The following PARD3 variants were observed in gnomAD, a reference collection of about 807,000 sequenced individuals.
PARD3 encodes the protein par-3 family cell polarity regulator.
PARD3 carries 75 observed loss-of-function variants against 155.4 expected under a neutral mutation model. That is an observed-to-expected ratio of 0.48 (90% CI 0.40 to 0.58). The LOEUF (loss-of-function observed/expected upper bound fraction) is 0.58. PARD3 is among the 20% of genes least tolerant of loss of function. The pLI, the probability that PARD3 is intolerant of heterozygous loss-of-function variation, is 0.00. For missense variants in PARD3, 1,642 were observed against 1,721.7 expected (o/e 0.95, Z 0.82); for synonymous variants, 576 against 610.5 (o/e 0.94, Z 0.83).
At chr10:34,525,615 T>C (rs985840787) in intron 2 of PARD3, among the ~76,000 whole-genome samples, 2 of 152,180 alleles carry the variant, frequency 1.3e-5, no homozygotes, top group Non-Finnish European at 2.9e-5. Context: ...AATTCATATG[T>C]TTACGTGTAT....
chr10:34,330,142 T>C (rs1394191472), intron 19 of PARD3, among the ~76,000 whole-genome samples: 1 of 152,154 alleles, frequency 6.6e-6, no homozygotes, highest in Non-Finnish European at 1.5e-5. Flanking sequence ...GAGTCACATT[T>C]GAGGTTAAAA....
At chr10:34,682,630 G>A (rs1173050706) in intron 2 of PARD3, among the ~76,000 whole-genome samples, 1 of 152,148 alleles carries the variant, frequency 6.6e-6, no homozygotes, top group Non-Finnish European at 1.5e-5. Flanking sequence ...GCTGAGGCAG[G>A]AGGCTCATTT....
chr10:34,144,198 A>AT (rs895132163), intron 22 of PARD3, among the ~76,000 whole-genome samples: 8 of 151,010 alleles, frequency 5.3e-5, no homozygotes, highest in South Asian at 2.1e-4. Context: ...TGTCAATTAC[A>AT]TTTTTTTTTC....
chr10:34,357,169 A>G (rs1838976467), intron 14 of PARD3, among the ~76,000 whole-genome samples: 1 of 152,094 alleles, frequency 6.6e-6, no homozygotes, highest in African/African-American at 2.4e-5. Flanking sequence ...ATTTGGGGGG[A>G]ACAATAGGGA....
chr10:34,589,713 T>C lies in PARD3; in HGVS notation c.223-72554A>G, dbSNP rs867252099. 6.8e-5 allele frequency among the ~76,000 whole-genome samples: 10 copies of C among 146,590 alleles called. No individual in the cohort carries two copies. In the South Asian group the frequency reaches 1.1e-3, roughly 17 times the overall value. ...TTTTTGGACAACATCCATGAACTCATTGTATCTTGTTAATCCTGAATTCAC... is the reference window on the plus strand; with the variant it reads ...TTTTTGGACAACATCCATGAACTCACTGTATCTTGTTAATCCTGAATTCAC... On this transcript the variant is annotated intron_variant, in intron 2 of 24. Coordinates refer to ENST00000374788, the MANE Select transcript of PARD3 (RefSeq NM_001184785.2).
chr10:34,764,461 T>C (rs781594947), intron 1 of PARD3, among the ~76,000 whole-genome samples: 8 of 152,104 alleles, frequency 5.3e-5, no homozygotes, highest in Admixed American at 1.3e-4. Context: ...GAAGAATCTA[T>C]AGGAAAAATG....
intron 22 of PARD3, among the ~76,000 whole-genome samples, chr10:34,212,291 C>G (rs1272015309): frequency 1.3e-5 from 2 of 152,156 alleles, no homozygotes; most frequent in Non-Finnish European, 2.9e-5. Flanking sequence ...AAAATCATGT[C>G]AGAACTTGAA....
chr10:34,291,791 A>T (rs1310879134), intron 20 of PARD3, among the ~76,000 whole-genome samples: 1 of 152,234 alleles, frequency 6.6e-6, no homozygotes, highest in African/African-American at 2.4e-5. Flanking sequence ...TCATGCCTGT[A>T]ATCCCAACAC....
At chr10:34,249,661 A>C (rs1221867357) in intron 22 of PARD3, among the ~76,000 whole-genome samples, 2 of 152,214 alleles carry the variant, frequency 1.3e-5, no homozygotes, top group Non-Finnish European at 2.9e-5. Context: ...AAGAAGTTCC[A>C]ACCATATGTC....
intron 2 of PARD3, among the ~76,000 whole-genome samples, chr10:34,548,176 A>C (rs1164797136): frequency 6.6e-6 from 1 of 152,192 alleles, no homozygotes; most frequent in Non-Finnish European, 1.5e-5. Flanking sequence ...TTTCCTACAG[A>C]AGTTTCTCCA....
intron 20 of PARD3, among the ~76,000 whole-genome samples, chr10:34,315,917 G>T (rs1957976939): frequency 6.6e-6 from 1 of 152,170 alleles, no homozygotes; most frequent in Admixed American, 6.5e-5. Flanking sequence ...TAAGTCTAGA[G>T]TTAACTCTCC....
intron 3 of PARD3, among the ~76,000 whole-genome samples, chr10:34,490,767 T>C (rs950410680): frequency 7.2e-5 from 11 of 152,208 alleles, no homozygotes; most frequent in African/African-American, 2.7e-4. Context: ...GACCTCCCCA[T>C]CCAAACGTCA....
At chr10:34,486,120 G>A (rs2079452938) in intron 3 of PARD3, among the ~76,000 whole-genome samples, 1 of 151,906 alleles carries the variant, frequency 6.6e-6, no homozygotes, top group Non-Finnish European at 1.5e-5. Context: ...ACAGTGTCAT[G>A]TTGCCCAGGC....
chr10:34,801,709 T>A (rs1214699947), intron 1 of PARD3, among the ~76,000 whole-genome samples: 1 of 152,198 alleles, frequency 6.6e-6, no homozygotes, highest in Non-Finnish European at 1.5e-5. Context: ...CAAAAGATGT[T>A]CTGTGTTCCT....
At chr10:34,598,674 C>T (rs1590168754) in intron 2 of PARD3, among the ~76,000 whole-genome samples, 1 of 152,078 alleles carries the variant, frequency 6.6e-6, no homozygotes, top group East Asian at 1.9e-4. Flanking sequence ...ACCCCATTAC[C>T]AAATACATTT....
At chr10:34,315,851 G>C (rs1201140179) in intron 20 of PARD3, among the ~76,000 whole-genome samples, 1 of 152,182 alleles carries the variant, frequency 6.6e-6, no homozygotes, top group Non-Finnish European at 1.5e-5. Context: ...CTGAGAGACA[G>C]AAATCTAATC....
At chr10:34,579,867 A>G (rs2087274584) in intron 2 of PARD3, among the ~76,000 whole-genome samples, 1 of 150,766 alleles carries the variant, frequency 6.6e-6, no homozygotes, top group African/African-American at 2.5e-5. Flanking sequence ...CGGCCTCCCA[A>G]AGTGCTGGGA....
chr10:34,311,884 C>T (rs1957720547), intron 20 of PARD3, among the ~76,000 whole-genome samples: 1 of 152,174 alleles, frequency 6.6e-6, no homozygotes. Flanking sequence ...GGTGACTGTA[C>T]CAGCCCACAC....
chr10:34,756,836 A>T (rs1205038690), intron 1 of PARD3, among the ~76,000 whole-genome samples: 1 of 152,218 alleles, frequency 6.6e-6, no homozygotes, highest in Non-Finnish European at 1.5e-5. Flanking sequence ...TTCCTGGTGA[A>T]CAGGCTGAAA....
Sources: gnomAD v4.1 joint callset for allele counts (sites outside exome capture counted in the v4.1 genomes callset) on GRCh38, gnomAD v4.1.1 for gene constraint, MANE v1.5 for transcripts, NCBI Gene and HGNC (gene_info 2026-07-23, HGNC 2026-07-21) for gene names.